ME3: variants seen among roughly 807,000 people sequenced by gnomAD.
ME3 encodes malic enzyme 3.
Under a neutral mutation model 68.9 loss-of-function variants are expected in ME3, and 48 were observed. The observed-to-expected ratio is 0.70, with a 90% CI of 0.55 to 0.89. The LOEUF (loss-of-function observed/expected upper bound fraction) is 0.89. ME3 is among the 40% of genes least tolerant of loss of function. The pLI, the probability that ME3 is intolerant of heterozygous loss-of-function variation, is 0.00. For missense variants in ME3, 675 were observed against 797.4 expected (o/e 0.85, Z 1.85); for synonymous variants, 320 against 318.8 (o/e 1.00, Z -0.04).
In ME3 at chr11:86,666,314, C is replaced by A. The variant is rs558978352; in HGVS notation, c.183+5448G>T. On this transcript the variant is annotated intron_variant, in intron 2 of 14. Coordinates refer to ENST00000543262, the Ensembl canonical transcript of ME3. ...GTGGAATTCACAGCAGAGGTAAGAC[C>A]TGTCATCCTGGACTTTGAAATGTAA... 2.0e-5 allele frequency among the ~76,000 whole-genome samples: 3 copies of A among 152,340 alleles called. No homozygotes were observed. In the East Asian group the frequency reaches 5.8e-4, roughly 29 times the overall value.
At chr11:86,632,774 G>T (rs1944098463) in intron 2 of ME3, among the ~76,000 whole-genome samples, 1 of 152,226 alleles carries the variant, frequency 6.6e-6, no homozygotes, top group Non-Finnish European at 1.5e-5. Context: ...CTGAAGGCCA[G>T]TGGTTTCCTT....
intron 5 of ME3, among the ~76,000 whole-genome samples, chr11:86,507,372 G>A (rs2139085757): frequency 6.6e-6 from 1 of 152,298 alleles, no homozygotes. Context: ...CTTCCAGGGA[G>A]CTCTTCCAGA....
At chr11:86,530,943 G>A (rs1237402222) in intron 4 of ME3, among the ~76,000 whole-genome samples, 1 of 152,062 alleles carries the variant, frequency 6.6e-6, no homozygotes, top group Non-Finnish European at 1.5e-5. Context: ...CATGTGCAAG[G>A]ACTTCATGTC....
chr11:86,509,096 A>G (rs1953306470), intron 4 of ME3, among the ~76,000 whole-genome samples: 1 of 152,160 alleles, frequency 6.6e-6, no homozygotes, highest in African/African-American at 2.4e-5. Flanking sequence ...GCCCACATGG[A>G]GCCTGTGCTC....
intron 2 of ME3, among the ~76,000 whole-genome samples, chr11:86,564,859 TA>T (rs1315226891): frequency 6.6e-6 from 1 of 151,884 alleles, no homozygotes; most frequent in African/African-American, 2.4e-5. Context: ...TTCATCAAAA[TA>T]AAAAAAGTCT....
At chr11:86,520,696 C>T (rs1280007051) in intron 4 of ME3, among the ~76,000 whole-genome samples, 1 of 152,190 alleles carries the variant, frequency 6.6e-6, no homozygotes, top group Non-Finnish European at 1.5e-5. Context: ...CTGTATCCTC[C>T]ACTTCCACTG....
At chr11:86,590,803 A>C (rs1285889821) in intron 2 of ME3, among the ~76,000 whole-genome samples, 1 of 152,226 alleles carries the variant, frequency 6.6e-6, no homozygotes, top group Non-Finnish European at 1.5e-5. Context: ...TACTGAAGGC[A>C]ATGGCAAAGG....
chr11:86,455,886 A>AACTT (rs10653582), intron 8 of ME3, among the ~76,000 whole-genome samples: 2 of 151,960 alleles, frequency 1.3e-5, no homozygotes, highest in Non-Finnish European at 2.9e-5. Context: ...TTAAATAAGT[A>AACTT]TTTAAATCAC....
chr11:86,527,444 G>A (rs1273995699), intron 4 of ME3, among the ~76,000 whole-genome samples: 4 of 152,170 alleles, frequency 2.6e-5, no homozygotes, highest in Non-Finnish European at 4.4e-5. Context: ...ATACTCTGCC[G>A]GATATTATAC....
chr11:86,447,087 T>C (rs1309390981), exon 12 of ME3: 1 of 1,614,178 alleles, frequency 6.2e-7, no homozygotes, highest in East Asian at 2.2e-5. Context: ...GTAGCACTTC[T>C]CAGCCGTGCA....
chr11:86,490,463 G>A (rs1951935069), intron 6 of ME3, among the ~76,000 whole-genome samples: 1 of 152,110 alleles, frequency 6.6e-6, no homozygotes, highest in Non-Finnish European at 1.5e-5. Context: ...ACCATCAAAG[G>A]TCACTTAGAA....
intron 2 of ME3, among the ~76,000 whole-genome samples, chr11:86,589,928 T>A (rs1270819707): frequency 6.6e-6 from 1 of 152,220 alleles, no homozygotes. Context: ...CTGTTCCACA[T>A]CACAGTGATG....
At chr11:86,497,228 G>A (rs898348314) in intron 6 of ME3, among the ~76,000 whole-genome samples, 33 of 152,244 alleles carry the variant, frequency 2.2e-4, no homozygotes, top group Admixed American at 1.8e-3. Flanking sequence ...AGGTGATCCC[G>A]CCCCGATCAG....
At chr11:86,597,085 G>A (rs1959612261) in intron 2 of ME3, among the ~76,000 whole-genome samples, 1 of 152,252 alleles carries the variant, frequency 6.6e-6, no homozygotes, top group Non-Finnish European at 1.5e-5. Flanking sequence ...TAAGGTCATG[G>A]AAGTGCTGTA....
In ME3 at chr11:86,477,386, T is replaced by A. The variant is rs183557188; in HGVS notation, c.809+9951A>T. ...GAATAGTACCTAACTCATACAGTTG[T>A]TGTGAGAATTAGACAAGTTAATATT... On this transcript the variant is annotated intron_variant, in intron 7 of 14. Transcript: ENST00000543262. 2.0e-5 allele frequency among the ~76,000 whole-genome samples: 3 copies of A among 152,338 alleles called. No individual in the cohort carries two copies. The East Asian group carries it at 5.8e-4, about 29-fold the overall frequency.
chr11:86,616,027 G>GT (rs1942934572), intron 2 of ME3, among the ~76,000 whole-genome samples: 1 of 152,128 alleles, frequency 6.6e-6, no homozygotes, highest in Admixed American at 6.5e-5. Flanking sequence ...TTTGGTATAT[G>GT]TTCTTGTCAC....
At chr11:86,559,949 A>C in intron 2 of ME3, 126 bp from the exon 3 acceptor site, 2 of 961,432 alleles carry the variant, frequency 2.1e-6, no homozygotes, top group Non-Finnish European at 2.9e-6. Context: ...CTCAACTCAA[A>C]TTCCACCTCT....
chr11:86,593,227 C>T (rs1326259492), intron 2 of ME3, among the ~76,000 whole-genome samples: 4 of 116,892 alleles, frequency 3.4e-5, no homozygotes, highest in African/African-American at 1.3e-4. Flanking sequence ...TTAGCTACTG[C>T]CTGCAACATA....
intron 7 of ME3, among the ~76,000 whole-genome samples, chr11:86,484,655 TCA>T (rs2138907450): frequency 1.3e-5 from 2 of 152,306 alleles, no homozygotes; most frequent in South Asian, 4.1e-4. Context: ...CTGTGGGGAA[TCA>T]CAGAATGATT....
Sources: gnomAD v4.1 joint callset for allele counts (sites outside exome capture counted in the v4.1 genomes callset) on GRCh38, gnomAD v4.1.1 for gene constraint, MANE v1.5 for transcripts, NCBI Gene and HGNC (gene_info 2026-07-23, HGNC 2026-07-21) for gene names.